TSPAN18: variants seen among roughly 807,000 people sequenced by gnomAD.
TSPAN18 encodes the protein tetraspanin 18, also known as tetraspanin-18.
TSPAN18 carries 14 observed loss-of-function variants against 27.3 expected under a neutral mutation model. That is an observed-to-expected ratio of 0.51 (90% confidence interval 0.34 to 0.80). The LOEUF (loss-of-function observed/expected upper bound fraction) is 0.80, where lower values mean the gene tolerates loss of function less well. Ranked by LOEUF, TSPAN18 falls within the 30% of genes least tolerant of loss-of-function variation. The pLI, the probability that TSPAN18 is intolerant of heterozygous loss-of-function variation, is 0.01. For synonymous variants in TSPAN18, 143 were observed against 136.5 expected, an observed-to-expected ratio of 1.05 and a Z score of -0.33; for missense variants, 268 against 323.9, an observed-to-expected ratio of 0.83 and a Z score of 1.32.
At chr11:44,745,849 A>G (rs1202381138) in intron 1 of TSPAN18, among the ~76,000 whole-genome samples, 1 of 152,162 alleles carries the variant, frequency 6.6e-6, no homozygotes, top group Admixed American at 6.5e-5. Flanking sequence ...AACACGGTGA[A>G]ACCCCGTCTC....
intron 2 of TSPAN18, among the ~76,000 whole-genome samples, chr11:44,774,132 A>T (rs1855751556): frequency 6.6e-6 from 1 of 152,208 alleles, no homozygotes; most frequent in African/African-American, 2.4e-5. Flanking sequence ...GAGACTCCCC[A>T]GAGAGTCTCT....
At chr11:44,734,755 T>G (rs756054371) in intron 1 of TSPAN18, among the ~76,000 whole-genome samples, 3 of 152,296 alleles carry the variant, frequency 2.0e-5, no homozygotes, top group South Asian at 2.1e-4. Context: ...GGTTCAGGGC[T>G]GGGGGTGTTG....
At chr11:44,861,235 T>G (rs939102072) in intron 3 of TSPAN18, among the ~76,000 whole-genome samples, 12 of 152,164 alleles carry the variant, frequency 7.9e-5, no homozygotes, top group South Asian at 2.1e-4. Context: ...AAGGAGAGCT[T>G]CTTTTTCCCA....
rs191320361 is a variant in TSPAN18, at chr11:44,823,379, G to A, written c.-152-36949G>A. 1.5e-4 allele frequency among the ~76,000 whole-genome samples: 23 copies of A among 152,318 alleles called. 1 individual carries two copies. The highest frequency in any genetic ancestry group is 6.2e-4 in the South Asian group (3 of 4,822). ...AGCTCTAGTGGAGAGGCGATGCAGCGGGGGGCTTTCTCTCCCCCGAAGTCG... is the reference window on the plus strand; with the variant it reads ...AGCTCTAGTGGAGAGGCGATGCAGCAGGGGGCTTTCTCTCCCCCGAAGTCG... On this transcript the variant is annotated intron_variant, in intron 2 of 9. Coordinates refer to ENST00000520358, the MANE Select transcript of TSPAN18 (RefSeq NM_130783.5).
intron 1 of TSPAN18, among the ~76,000 whole-genome samples, chr11:44,732,705 A>T (rs1412626098): frequency 2.0e-5 from 3 of 152,120 alleles, no homozygotes; most frequent in African/African-American, 7.2e-5. Context: ...TGATCTTATT[A>T]AGCAACAAAA....
chr11:44,882,585 G>GACACACACACACAC (rs199874715), intron 3 of TSPAN18, among the ~76,000 whole-genome samples: 38 of 92,528 alleles, frequency 4.1e-4, no homozygotes, highest in Admixed American at 2.0e-3. Flanking sequence ...GTCAGAGAGA[G>GACACACACACACAC]AGACACACAC....
chr11:44,931,036 A>G lies in TSPAN18; in HGVS notation c.*1858A>G. 2.2e-6 allele frequency: 1 copy of G among 452,858 alleles called. No individual in the cohort carries two copies. Among genetic ancestry groups the G allele is most frequent in the East Asian group, 7.0e-5 (1 of 14,306 alleles). 28.1% of individuals were successfully genotyped at this position (452,858 alleles called of 1,614,324 possible). A position where few individuals can be genotyped will look rare whatever the true frequency, so the allele number is the denominator to read the frequency against. On this transcript the variant is annotated 3_prime_UTR_variant, in exon 10 of 10. Transcript: ENST00000520358. ...CAGCCAGAAGCTCTGTGCCTGCTGCAAAGATTCAGGTGGACCCTCCTCTAA... is the reference window on the plus strand; with the variant it reads ...CAGCCAGAAGCTCTGTGCCTGCTGCGAAGATTCAGGTGGACCCTCCTCTAA...
intron 2 of TSPAN18, among the ~76,000 whole-genome samples, chr11:44,827,867 G>A (rs1013755108): frequency 3.9e-5 from 6 of 152,224 alleles, no homozygotes; most frequent in African/African-American, 1.4e-4. Flanking sequence ...GCTGGGTCCT[G>A]AAACAGGAGA....
chr11:44,821,842 G>A (rs1455276896), intron 2 of TSPAN18, among the ~76,000 whole-genome samples: 1 of 152,226 alleles, frequency 6.6e-6, no homozygotes, highest in African/African-American at 2.4e-5. Flanking sequence ...CAGGTCTGTG[G>A]ACAGGTTGTG....
chr11:44,831,095 A>G (rs1242780445), intron 2 of TSPAN18, among the ~76,000 whole-genome samples: 1 of 152,206 alleles, frequency 6.6e-6, no homozygotes, highest in Non-Finnish European at 1.5e-5. Flanking sequence ...CCTGGGCGAC[A>G]CAGCAAGACT....
chr11:44,847,208 C>T (rs1045804195), intron 2 of TSPAN18, among the ~76,000 whole-genome samples: 1 of 151,982 alleles, frequency 6.6e-6, no homozygotes, highest in Non-Finnish European at 1.5e-5. Context: ...AAGGGCTTTC[C>T]TGGTGGGGGC....
intron 2 of TSPAN18, among the ~76,000 whole-genome samples, chr11:44,849,281 G>T (rs1857548453): frequency 1.3e-5 from 2 of 152,170 alleles, no homozygotes; most frequent in Admixed American, 6.5e-5. Context: ...TTAGGTGGGG[G>T]TCCCTAAAAG....
intron 1 of TSPAN18, among the ~76,000 whole-genome samples, chr11:44,761,480 A>C (rs906693013): frequency 5.3e-5 from 8 of 152,238 alleles, no homozygotes; most frequent in South Asian, 2.1e-4. Context: ...AGATTTGCTT[A>C]AATGGGAATT....
intron 2 of TSPAN18, among the ~76,000 whole-genome samples, chr11:44,843,548 C>A (rs951113664): frequency 2.0e-5 from 3 of 152,140 alleles, no homozygotes; most frequent in African/African-American, 7.2e-5. Flanking sequence ...TTGAGATCAA[C>A]CGGTCTGACC....
intron 2 of TSPAN18, among the ~76,000 whole-genome samples, chr11:44,824,372 C>T (rs1856991058): frequency 6.6e-6 from 1 of 152,224 alleles, no homozygotes; most frequent in African/African-American, 2.4e-5. Context: ...TCACCCACCC[C>T]CAACTGGGGC....
intron 5 of TSPAN18, among the ~76,000 whole-genome samples, chr11:44,913,672 A>G (rs1057256916): frequency 1.3e-5 from 2 of 152,278 alleles, no homozygotes; most frequent in African/African-American, 4.8e-5. Flanking sequence ...CTGTGAGCAG[A>G]CATTGCCTAT....
intron 3 of TSPAN18, among the ~76,000 whole-genome samples, chr11:44,885,356 T>TC (rs1057192036): frequency 2.0e-5 from 3 of 152,034 alleles, no homozygotes; most frequent in Non-Finnish European, 2.9e-5. Context: ...TATTTTTTTT[T>TC]CCCCCAAAGA....
intron 2 of TSPAN18, among the ~76,000 whole-genome samples, chr11:44,826,523 T>C (rs549260967): frequency 6.6e-6 from 1 of 152,334 alleles, no homozygotes; most frequent in East Asian, 1.9e-4. Context: ...GTACCACTGA[T>C]ATTAGCACCT....
At chr11:44,784,362 AG>A (rs1856007664) in intron 2 of TSPAN18, among the ~76,000 whole-genome samples, 1 of 152,132 alleles carries the variant, frequency 6.6e-6, no homozygotes, top group African/African-American at 2.4e-5. Context: ...CCCTGCTCCC[AG>A]GGCCTCTGTT....
Sources: allele counts gnomAD v4.1 joint callset (sites outside exome capture counted in the v4.1 genomes callset), GRCh38; gene constraint gnomAD v4.1.1; transcripts MANE v1.5; gene names NCBI Gene and HGNC (gene_info 2026-07-23, HGNC 2026-07-21).